The following SLIT3 variants were observed in gnomAD, a reference collection of about 807,000 sequenced individuals.
The protein encoded by SLIT3 is slit guidance ligand 3.
SLIT3 carries 68 observed loss-of-function variants against 184.0 expected under a neutral mutation model. The observed-to-expected ratio is 0.37, with a 90% CI of 0.30 to 0.45. The LOEUF (loss-of-function observed/expected upper bound fraction) is 0.45. Ranked by LOEUF, SLIT3 falls within the 20% of genes least tolerant of loss-of-function variation. The probability of loss-of-function intolerance (pLI) is 1.00; values close to 1 mark genes in which losing one functional copy is unlikely to be tolerated. For missense variants in SLIT3, 1,707 were observed against 2,026.0 expected, an observed-to-expected ratio of 0.84 and a Z score of 3.02; for synonymous variants, 831 against 828.6, an observed-to-expected ratio of 1.00 and a Z score of -0.05.
intron 3 of SLIT3, among the ~76,000 whole-genome samples, chr5:169,211,326 T>G (rs1764258374): frequency 6.6e-6 from 1 of 152,224 alleles, no homozygotes; most frequent in Non-Finnish European, 1.5e-5. Flanking sequence ...TCCTACATCC[T>G]ATTTTCCATG....
intron 31 of SLIT3, 48 bp from the exon 32 acceptor site, chr5:168,684,144 A>C (rs781766640): frequency 6.7e-7 from 1 of 1,492,198 alleles, no homozygotes; most frequent in South Asian, 1.4e-5. Flanking sequence ...CCTGAGACTG[A>C]ACCTTCCCTG....
chr5:169,283,576 C>A (rs1321434448), intron 1 of SLIT3, among the ~76,000 whole-genome samples: 2 of 152,144 alleles, frequency 1.3e-5, no homozygotes, highest in African/African-American at 4.8e-5. Flanking sequence ...AGAAAGGCTG[C>A]TGCTAGGAAG....
chr5:169,067,536 G>A (rs1351144292), intron 4 of SLIT3, among the ~76,000 whole-genome samples: 2 of 152,248 alleles, frequency 1.3e-5, no homozygotes, highest in Admixed American at 1.3e-4. Flanking sequence ...AGTGGATGCT[G>A]CAAGTTTGAT....
intron 4 of SLIT3, among the ~76,000 whole-genome samples, chr5:169,053,589 G>A (rs990492200): frequency 1.3e-5 from 2 of 152,144 alleles, no homozygotes; most frequent in African/African-American, 4.8e-5. Context: ...TGCACAAACC[G>A]AAAATCTGGG....
intron 4 of SLIT3, among the ~76,000 whole-genome samples, chr5:169,046,636 T>G (rs529097833): frequency 2.0e-5 from 3 of 152,104 alleles, no homozygotes; most frequent in Admixed American, 6.6e-5. Context: ...AAAAACACAT[T>G]CCTTTTGGGC....
chr5:168,987,119 C>T (rs1178595055), intron 4 of SLIT3, among the ~76,000 whole-genome samples: 3 of 152,206 alleles, frequency 2.0e-5, no homozygotes, highest in Non-Finnish European at 4.4e-5. Context: ...TAAGCTGTAG[C>T]TCTCTCTGTT....
chr5:169,236,359 C>T (rs551336220), intron 3 of SLIT3, among the ~76,000 whole-genome samples: 24 of 152,208 alleles, frequency 1.6e-4, no homozygotes, highest in African/African-American at 5.8e-4. Flanking sequence ...GCTTTAATTC[C>T]TTTTTGTGTG....
chr5:169,179,357 A>G (rs1763080978), intron 4 of SLIT3, among the ~76,000 whole-genome samples: 1 of 149,074 alleles, frequency 6.7e-6, no homozygotes, highest in African/African-American at 2.5e-5. Flanking sequence ...GCCTTCACTA[A>G]GGTGAGGCCT....
intron 4 of SLIT3, among the ~76,000 whole-genome samples, chr5:169,097,346 G>A (rs1249728568): frequency 1.3e-5 from 2 of 151,892 alleles, no homozygotes; most frequent in African/African-American, 4.8e-5. Context: ...AAGAATGAAA[G>A]GAAGATGGAT....
chr5:168,786,737 A>T (rs1756167294), intron 11 of SLIT3, among the ~76,000 whole-genome samples: 2 of 152,014 alleles, frequency 1.3e-5, no homozygotes, highest in South Asian at 2.1e-4. Flanking sequence ...CTCCCACTCC[A>T]GCACAGTGCT....
intron 30 of SLIT3, among the ~76,000 whole-genome samples, 195 bp downstream of exon 30, chr5:168,686,784 T>C (rs565542952): frequency 6.6e-6 from 1 of 152,374 alleles, no homozygotes; most frequent in South Asian, 2.1e-4. Context: ...AATGTGGGAT[T>C]ACCAATACCT....
intron 4 of SLIT3, among the ~76,000 whole-genome samples, chr5:168,912,293 T>A (rs954879786): frequency 3.3e-5 from 5 of 152,356 alleles, no homozygotes; most frequent in African/African-American, 4.8e-5. Context: ...ATGTTATTGG[T>A]AAGAGCCTAC....
At chr5:169,149,002 T>C (rs1036126587) in intron 4 of SLIT3, among the ~76,000 whole-genome samples, 2 of 152,168 alleles carry the variant, frequency 1.3e-5, no homozygotes, top group African/African-American at 2.4e-5. Flanking sequence ...TCCCATTTTA[T>C]AGAGGAGAAA....
chr5:168,840,724 G>A (rs1417772348), intron 6 of SLIT3, among the ~76,000 whole-genome samples: 1 of 152,230 alleles, frequency 6.6e-6, no homozygotes, highest in Non-Finnish European at 1.5e-5. Context: ...AGTAACAGCA[G>A]AGGGTCTGAC....
Position 169,301,063 on chromosome 5 carries a change from G to A in SLIT3, c.-354C>T, listed in dbSNP as rs568327432. ...CCGGGGAGGTCCGGCTTGGGGCTGG[G>A]CTGGGGAGCGCGGCGGCTGCGGCTG... On this transcript the variant is annotated 5_prime_UTR_variant, in exon 1 of 36. Coordinates refer to ENST00000519560, the MANE Select transcript of SLIT3 (RefSeq NM_003062.4). The A allele has an allele frequency of 2.2e-3, 340 of 153,928 alleles. No homozygotes were observed. The highest frequency in any genetic ancestry group is 3.3e-3 in the Admixed American group (51 of 15,304). 9.5% of individuals were successfully genotyped at this position (153,928 alleles called of 1,614,324 possible).
chr5:168,662,843 T>G lies in SLIT3; in HGVS notation c.*3611A>C, dbSNP rs997342365. On this transcript the variant is annotated 3_prime_UTR_variant, in exon 36 of 36. Coordinates refer to ENST00000519560, the MANE Select transcript of SLIT3 (RefSeq NM_003062.4). ...CACACTTTTTCAGGAGCAAATTAAC[T>G]GAACTCTTCCTGCCTCATGGAATGT... is the stretch of plus-strand genomic sequence containing the variant. 5 of 152,244 alleles carry G rather than the reference T, an allele frequency of 3.3e-5. No homozygotes were observed. The highest frequency in any genetic ancestry group is 7.2e-5 in the African/African-American group (3 of 41,456). 9.4% of individuals were successfully genotyped at this position (152,244 alleles called of 1,614,324 possible). A position where few individuals can be genotyped will look rare whatever the true frequency, so the allele number is the denominator to read the frequency against.
At chr5:169,246,394 G>T (rs1001656006) in intron 2 of SLIT3, among the ~76,000 whole-genome samples, 1 of 152,132 alleles carries the variant, frequency 6.6e-6, no homozygotes, top group Non-Finnish European at 1.5e-5. Context: ...AGCCAGGTAG[G>T]GTGGGCCTTC....
At chr5:169,003,187 AG>A (rs1755780223) in intron 4 of SLIT3, among the ~76,000 whole-genome samples, 1 of 152,228 alleles carries the variant, frequency 6.6e-6, no homozygotes, top group Non-Finnish European at 1.5e-5. Context: ...TAGAATACTC[AG>A]TGTGTCTGAG....
intron 5 of SLIT3, among the ~76,000 whole-genome samples, chr5:168,859,519 C>A (rs542934397): frequency 6.6e-6 from 1 of 152,196 alleles, no homozygotes; most frequent in South Asian, 2.1e-4. Context: ...AATCCATAAG[C>A]CCAGGCTTCA....
Sources: allele counts gnomAD v4.1 joint callset (sites outside exome capture counted in the v4.1 genomes callset), GRCh38; gene constraint gnomAD v4.1.1; transcripts MANE v1.5; gene names NCBI Gene and HGNC (gene_info 2026-07-23, HGNC 2026-07-21).